Variants in FMNL2 observed in about 807,000 individuals in gnomAD.
FMNL2 encodes formin like 2.
FMNL2 carries 51 observed loss-of-function variants against 130.2 expected under a neutral mutation model. That is an observed-to-expected ratio of 0.39 (90% CI 0.31 to 0.49). The LOEUF (loss-of-function observed/expected upper bound fraction) is 0.49, where lower values mean the gene tolerates loss of function less well. Among genes scored for constraint, FMNL2 ranks in the 20% least tolerant of loss-of-function variants. The pLI is 0.85. For synonymous variants in FMNL2, 465 were observed against 467.1 expected (o/e 1.00, Z 0.06); for missense variants, 977 against 1,316.2 (o/e 0.74, Z 3.99).
In FMNL2 at chr2:152,558,789, G is replaced by C; in HGVS notation, c.409G>C (p.Val137Leu). The change falls in exon 5 of 26, where the codon GTG (valine) becomes CTG (leucine). Residue 137 changes from valine to leucine, a missense_variant. Physicochemically the swap from Val to Leu is conservative, Grantham distance 32. Coordinates refer to ENST00000288670, the MANE Select transcript of FMNL2 (RefSeq NM_052905.4). ...AGAAAACAAAGGTCTTGATGTTCTA[G>C]TGGAATATCTCTCATTTGCACAGTA... ...NEENKGLDVL[V>L]EYLSFAQYAV... The C allele has an allele frequency of 1.2e-6, 2 of 1,613,130 alleles. No homozygotes were observed. Among genetic ancestry groups the C allele is most frequent in the South Asian group, 2.2e-5 (2 of 90,990 alleles).
rs369883281 is a variant in FMNL2 at position 152,573,619 on chromosome 2, T to G, written c.597-1517T>G. Among the ~76,000 whole-genome samples the G allele has an allele frequency of 5.3e-5, 8 of 152,320 alleles. No individual in the cohort carries two copies. The East Asian group carries it at 7.7e-4, about 15-fold the overall frequency. ...ATGATTTTGTTGTTGCTGTTATTGG[T>G]CGTGATGGAGGTTTTTAAATTTATA... On this transcript the variant is annotated intron_variant, in intron 6 of 25. Coordinates refer to ENST00000288670, the MANE Select transcript of FMNL2 (RefSeq NM_052905.4).
chr2:152,646,230 G>C (rs1051957860), intron 25 of FMNL2, among the ~76,000 whole-genome samples: 1 of 151,912 alleles, frequency 6.6e-6, no homozygotes, highest in East Asian at 1.9e-4. Flanking sequence ...TACCTGGGAC[G>C]CTGAGATGTG....
At chr2:152,644,899 C>A (rs964842873) in intron 25 of FMNL2, among the ~76,000 whole-genome samples, 5 of 152,142 alleles carry the variant, frequency 3.3e-5, no homozygotes, top group African/African-American at 9.7e-5. Flanking sequence ...TAATAAGAAA[C>A]GAACTTCTCT....
chr2:152,483,699 C>T (rs4143274), intron 1 of FMNL2, among the ~76,000 whole-genome samples: 60,075 of 152,184 alleles, frequency 0.39, 12,422 homozygotes, highest in East Asian at 0.68. Flanking sequence ...ACTGTGTCCA[C>T]GCTCTCCAGC....
chr2:152,648,158 A>T lies in FMNL2; in HGVS notation c.*253A>T, dbSNP rs1019327452. 5 of 415,498 alleles carry T rather than the reference A, an allele frequency of 1.2e-5. No individual in the cohort carries two copies. Among genetic ancestry groups the T allele is most frequent in the Non-Finnish European group, 2.1e-5 (5 of 234,640 alleles). The allele number at this position is 415,498 out of a possible 1,614,324, so 25.7% of individuals were successfully genotyped here. On this transcript the variant is annotated 3_prime_UTR_variant, in exon 26 of 26. Transcript: ENST00000288670. ...ATTTGATTAGGTATCTTTTTACACC[A>T]GTATGTTATTTTTAACCAAAATGTA...
In FMNL2 at chr2:152,545,112, T is replaced by C. The variant is rs78209379; in HGVS notation, c.282+2293T>C. ...AAATGGATGGTGGATTAACCACCCC[T>C]GCTTTAGTAAGATTCTGTCAGGAGC... On this transcript the variant is annotated intron_variant, in intron 3 of 25. Transcript: ENST00000288670. Among the ~76,000 whole-genome samples, 1,265 of 152,340 alleles carry C rather than the reference T, an allele frequency of 8.3e-3. 22 individuals carry two copies. Among genetic ancestry groups the C allele is most frequent in the African/African-American group, 0.029 (1,211 of 41,582 alleles).
chr2:152,425,224 C>T (rs912155226), intron 1 of FMNL2, among the ~76,000 whole-genome samples: 1 of 152,122 alleles, frequency 6.6e-6, no homozygotes, highest in Non-Finnish European at 1.5e-5. Context: ...CAATATGGGC[C>T]TTATTATAAA....
chr2:152,557,184 A>G (rs191743689), intron 4 of FMNL2, among the ~76,000 whole-genome samples: 4 of 152,318 alleles, frequency 2.6e-5, no homozygotes, highest in Non-Finnish European at 5.9e-5. Context: ...TAAATAAAAA[A>G]TAAGTATCTA....
At chr2:152,414,128 T>C (rs931913061) in intron 1 of FMNL2, among the ~76,000 whole-genome samples, 2 of 152,198 alleles carry the variant, frequency 1.3e-5, no homozygotes, top group Non-Finnish European at 2.9e-5. Flanking sequence ...CCTTTTTGAC[T>C]TTGGATTAGG....
At chr2:152,511,854 G>T (rs992557229) in intron 1 of FMNL2, among the ~76,000 whole-genome samples, 1 of 152,194 alleles carries the variant, frequency 6.6e-6, no homozygotes, top group Non-Finnish European at 1.5e-5. Flanking sequence ...AGGTGATACA[G>T]ACTGCAGTCT....
chr2:152,618,704 C>T (rs541685777), intron 13 of FMNL2, 142 bp from the exon 14 acceptor site: 2 of 656,444 alleles, frequency 3.0e-6, no homozygotes, highest in African/African-American at 1.8e-5. Flanking sequence ...ATTAATGGGA[C>T]TTTATAGGTT....
chr2:152,355,631 G>T (rs934193705), intron 1 of FMNL2, among the ~76,000 whole-genome samples: 8 of 152,156 alleles, frequency 5.3e-5, no homozygotes, highest in African/African-American at 1.7e-4. Context: ...CTGACCCTTT[G>T]TCCCTCTCCT....
intron 20 of FMNL2, 147 bp from the exon 21 acceptor site, chr2:152,631,861 G>A: frequency 1.2e-6 from 1 of 840,300 alleles, no homozygotes; most frequent in South Asian, 2.1e-5. Flanking sequence ...GGAACAAATG[G>A]AATCCTGACC....
chr2:152,594,961 T>A (rs1484235079), intron 9 of FMNL2, among the ~76,000 whole-genome samples: 1 of 152,188 alleles, frequency 6.6e-6, no homozygotes, highest in Non-Finnish European at 1.5e-5. Flanking sequence ...GCAGTTGAGC[T>A]CTCTGACAAG....
At chr2:152,427,232 G>A (rs1687246591) in intron 1 of FMNL2, among the ~76,000 whole-genome samples, 1 of 152,186 alleles carries the variant, frequency 6.6e-6, no homozygotes, top group Admixed American at 6.5e-5. Flanking sequence ...AAGTTTAAAA[G>A]CAGGAGAAGT....
intron 1 of FMNL2, among the ~76,000 whole-genome samples, chr2:152,469,051 T>C (rs938495874): frequency 6.6e-6 from 1 of 152,240 alleles, no homozygotes; most frequent in Non-Finnish European, 1.5e-5. Flanking sequence ...AAAATTAACA[T>C]GAGCCAATTA....
At position 152,384,614 on chromosome 2, in the gene FMNL2, G is replaced by A. The variant is rs185764722; in HGVS notation, c.117+48894G>A. On this transcript the variant is annotated intron_variant, in intron 1 of 25. Coordinates refer to ENST00000288670, the MANE Select transcript of FMNL2 (RefSeq NM_052905.4). ...AGTGAAAGAGCATCCTTCAAACATCGTGCTTGAAAGGTGGACTCTTCTCCT... is the reference window on the plus strand; with the variant it reads ...AGTGAAAGAGCATCCTTCAAACATCATGCTTGAAAGGTGGACTCTTCTCCT... Among the ~76,000 whole-genome samples, 99 of 152,116 alleles carry A rather than the reference G, an allele frequency of 6.5e-4. 2 individuals are homozygous for A. The highest frequency in any genetic ancestry group is 3.4e-3 in the Middle Eastern group (1 of 294).
chr2:152,433,464 ACTTCT>A (rs75651601), intron 1 of FMNL2, among the ~76,000 whole-genome samples: 5,305 of 152,280 alleles, frequency 0.035, 133 homozygotes, highest in Middle Eastern at 0.071. Flanking sequence ...AATCAACCCA[ACTTCT>A]CTTCTCTTCC....
chr2:152,569,293 T>C (rs1432489753), intron 6 of FMNL2, among the ~76,000 whole-genome samples: 6 of 152,154 alleles, frequency 3.9e-5, no homozygotes, highest in African/African-American at 1.4e-4. Flanking sequence ...TTTTCTTTGC[T>C]GGCCTTGCTT....
Sources: gnomAD v4.1 joint callset for allele counts (sites outside exome capture counted in the v4.1 genomes callset) on GRCh38, gnomAD v4.1.1 for gene constraint, MANE v1.5 for transcripts, NCBI Gene and HGNC (gene_info 2026-07-23, HGNC 2026-07-21) for gene names.